DGCR8: variants seen among roughly 807,000 people sequenced by gnomAD.
DGCR8 encodes DGCR8 microprocessor complex subunit.
DGCR8 carries 14 observed loss-of-function variants against 78.5 expected under a neutral mutation model. The observed-to-expected ratio is 0.18, with a 90% CI of 0.12 to 0.28. DGCR8 has a LOEUF of 0.28. Among genes scored for constraint, DGCR8 ranks in the 10% least tolerant of loss-of-function variants. DGCR8 has a pLI of 1.00. For missense variants in DGCR8, 702 were observed against 1,022.5 expected, an observed-to-expected ratio of 0.69 and a Z score of 4.28; for synonymous variants, 399 against 402.4, an observed-to-expected ratio of 0.99 and a Z score of 0.10.
intron 1 of DGCR8, among the ~76,000 whole-genome samples, chr22:20,081,804 G>A (rs758947003): frequency 3.9e-5 from 6 of 152,128 alleles, no homozygotes; most frequent in East Asian, 3.8e-4. Flanking sequence ...CTTCACCCAT[G>A]CCAAAACATT....
intron 1 of DGCR8, among the ~76,000 whole-genome samples, chr22:20,082,372 T>A (rs2049428503): frequency 6.6e-6 from 1 of 152,014 alleles, no homozygotes; most frequent in African/African-American, 2.4e-5. Context: ...AGAGTGATTC[T>A]TTTTATTTTT....
rs1473085246 is a variant in DGCR8 at position 20,098,134 on chromosome 22, A to G, written c.1788+3339A>G. Among the ~76,000 whole-genome samples, 10 of 149,904 alleles carry G rather than the reference A, an allele frequency of 6.7e-5. No individual in the cohort carries two copies. In the East Asian group the frequency reaches 1.2e-3, roughly 18 times the overall value. On this transcript the variant is annotated intron_variant, in intron 9 of 13. Coordinates refer to ENST00000351989, the MANE Select transcript of DGCR8 (RefSeq NM_022720.7). The stretch of plus-strand genomic sequence containing the variant: ...GAGCGAGACTCCTGTCTCAAAAAAA[A>G]AAAAAGGAAAAAGAAAAAAAATATA...
At chr22:20,084,542 G>A (rs538616919) in intron 1 of DGCR8, among the ~76,000 whole-genome samples, 8 of 152,250 alleles carry the variant, frequency 5.3e-5, no homozygotes, top group African/African-American at 1.9e-4. Flanking sequence ...CCTCCTGTGG[G>A]TTTGGCGACT....
Position 20,086,338 on chromosome 22 carries a change from C to A in DGCR8, c.375C>A (p.Thr125=). Residue 125 remains threonine, a synonymous_variant, in exon 2 of 14, where the codon ACC becomes ACA. Transcript: ENST00000351989. The surrounding 1 kb of genome is among the most constrained non-coding windows in gnomAD (Gnocchi z 6.4). ...ATGTAAAGATTAGCGTGAGCTTTAC[C>A]GAGAGCTGCAGGAGTAAGGACAGGA... is the stretch of plus-strand genomic sequence containing the variant. ...LKDVKISVSF[T]ESCRSKDRKV... 1 of 1,614,026 alleles carries A rather than the reference C, an allele frequency of 6.2e-7. No individual in the cohort carries two copies. The highest frequency in any genetic ancestry group is 8.5e-7 in the Non-Finnish European group (1 of 1,180,006).
At position 20,110,127 on chromosome 22, in the gene DGCR8, G is replaced by C. The variant is rs184423008; in HGVS notation, c.*19G>C. ...CGTGTGAGGGAGGTGGCACGGGCCAGGGCGCGGGGGCCGCCAGCCGCACTT... is the reference window on the plus strand; with the variant it reads ...CGTGTGAGGGAGGTGGCACGGGCCACGGCGCGGGGGCCGCCAGCCGCACTT... On this transcript the variant is annotated 3_prime_UTR_variant, in exon 14 of 14. Transcript: ENST00000351989. The C allele has an allele frequency of 8.9e-4, 1,425 of 1,602,572 alleles. 4 individuals carry two copies. The East Asian group carries it at 0.013, about 15-fold the overall frequency.
intron 13 of DGCR8, 24 bp from the exon 14 acceptor site, chr22:20,110,001 C>A: frequency 6.2e-7 from 1 of 1,612,498 alleles, no homozygotes; most frequent in Non-Finnish European, 8.5e-7. Context: ...TCACTGGTAC[C>A]CCTGACCTTT....
intron 5 of DGCR8, 67 bp from the exon 6 acceptor site, chr22:20,091,368 G>A: frequency 6.5e-7 from 1 of 1,531,038 alleles, no homozygotes; most frequent in Non-Finnish European, 9.0e-7. Context: ...CCCATGCACT[G>A]GGCTGTGAGA....
chr22:20,107,162 CCCTGGCTGGCCCTCGGGGTGTGG>C (rs2049780615), intron 11 of DGCR8, 86 bp from the exon 12 acceptor site: 14 of 1,257,810 alleles, frequency 1.1e-5, no homozygotes, highest in Non-Finnish European at 1.5e-5. Context: ...GTAGAATGTG[CCCTGGCTGGCCCTCGGGGTGTGG>C]GTCAGGAGGG....
chr22:20,110,997 A>C lies in DGCR8; in HGVS notation c.*889A>C, dbSNP rs1336055645. 5.0e-6 allele frequency: 2 copies of C among 396,958 alleles called. No individual in the cohort carries two copies. The highest frequency in any genetic ancestry group is 8.9e-6 in the Non-Finnish European group (2 of 225,620). The allele number at this position is 396,958 out of a possible 1,614,324, so 24.6% of individuals were successfully genotyped here. A position where few individuals can be genotyped will look rare whatever the true frequency, so the allele number is the denominator to read the frequency against. On this transcript the variant is annotated 3_prime_UTR_variant, in exon 14 of 14. Coordinates refer to ENST00000351989, the MANE Select transcript of DGCR8 (RefSeq NM_022720.7). ...CATTTTGAAAGACTTTCACAGTGAG[A>C]GTAGAAGGTAGATTTGGAATCATGC... is the stretch of plus-strand genomic sequence containing the variant.
intron 9 of DGCR8, among the ~76,000 whole-genome samples, chr22:20,104,797 C>T (rs1399402196): frequency 6.6e-6 from 1 of 152,206 alleles, no homozygotes; most frequent in Non-Finnish European, 1.5e-5. Context: ...CTAGTGCCTT[C>T]CTCTTCTATG....
intron 1 of DGCR8, among the ~76,000 whole-genome samples, chr22:20,084,729 C>G (rs923484351): frequency 6.6e-6 from 1 of 152,246 alleles, no homozygotes; most frequent in Non-Finnish European, 1.5e-5. Context: ...TCTCTGCTAT[C>G]CACCTCCGTT....
intron 3 of DGCR8, among the ~76,000 whole-genome samples, chr22:20,088,862 A>G (rs1010694460): frequency 3.3e-5 from 5 of 152,008 alleles, no homozygotes; most frequent in Non-Finnish European, 7.4e-5. Context: ...AGCTCACTAC[A>G]GCCTCAGCCT....
chr22:20,108,644 G>A (rs1425029843), intron 12 of DGCR8: 8 of 366,480 alleles, frequency 2.2e-5, no homozygotes, highest in South Asian at 4.7e-5. Flanking sequence ...TATAAGTGGC[G>A]TGGTGTGGGC....
intron 9 of DGCR8, chr22:20,100,462 C>T (rs1414009836): frequency 1.0e-6 from 1 of 985,236 alleles, no homozygotes; most frequent in Non-Finnish European, 1.2e-6. Context: ...AGACCCTGGC[C>T]CACCAAAACT....
At chr22:20,107,559 T>C (rs1386302971) in intron 12 of DGCR8, 161 bp downstream of exon 12, 1 of 788,672 alleles carries the variant, frequency 1.3e-6, no homozygotes, top group African/African-American at 1.7e-5. Context: ...AGGGGTGGGG[T>C]CGTCCCAGCT....
chr22:20,102,075 GTT>G (rs1373091255), intron 9 of DGCR8: 1 of 973,990 alleles, frequency 1.0e-6, no homozygotes, highest in African/African-American at 1.8e-5. Flanking sequence ...GTGACCAAGT[GTT>G]TTCTTTTTTT....
chr22:20,101,630 G>A (rs1169433841), intron 9 of DGCR8: 2 of 985,176 alleles, frequency 2.0e-6, no homozygotes, highest in African/African-American at 1.7e-5. Flanking sequence ...TTAAAAATCT[G>A]TCAGAGGGGA....
rs529699930 is a variant in DGCR8, at chr22:20,111,168, C to T, written c.*1060C>T. The T allele has an allele frequency of 4.0e-5, 16 of 398,766 alleles. No individual in the cohort carries two copies. The highest frequency in any genetic ancestry group is 2.7e-4 in the African/African-American group (13 of 48,720). The allele number at this position is 398,766 out of a possible 1,614,324, so 24.7% of individuals were successfully genotyped here. The stretch of plus-strand genomic sequence containing the variant: ...CCAGCTTGCTTCTCGACTGGTGGCC[C>T]CTATGGGTGGGTGTGCGATGGAAAT... On this transcript the variant is annotated 3_prime_UTR_variant, in exon 14 of 14. Transcript: ENST00000351989.
chr22:20,101,315 G>A lies in DGCR8; in HGVS notation c.1789-4862G>A, dbSNP rs959188552. On this transcript the variant is annotated intron_variant, in intron 9 of 13. Coordinates refer to ENST00000351989, the MANE Select transcript of DGCR8 (RefSeq NM_022720.7). ...CTGTGGGCTGGGCGCGGTGGCTCAC[G>A]CCTGTAATCCCAGCACTTTGGGAGG... is the stretch of plus-strand genomic sequence containing the variant. 3.1e-6 allele frequency: 3 copies of A among 982,614 alleles called. No homozygotes were observed. The South Asian group carries it at 1.4e-4, about 46-fold the overall frequency. 60.9% of individuals were successfully genotyped at this position (982,614 alleles called of 1,614,324 possible). A position where few individuals can be genotyped will look rare whatever the true frequency, so the allele number is the denominator to read the frequency against.
Sources: allele counts gnomAD v4.1 joint callset (sites outside exome capture counted in the v4.1 genomes callset), GRCh38; gene constraint gnomAD v4.1.1; non-coding constraint Gnocchi (gnomAD v3.1); transcripts MANE v1.5; gene names NCBI Gene and HGNC (gene_info 2026-07-23, HGNC 2026-07-21).